The following TM7SF3 variants were observed in gnomAD, a reference collection of about 807,000 sequenced individuals.
The protein encoded by TM7SF3 is seven span transmembrane protein.
TM7SF3 carries 60 observed loss-of-function variants against 65.5 expected under a neutral mutation model. That is an observed-to-expected ratio of 0.92 (90% confidence interval 0.74 to 1.14). The LOEUF (loss-of-function observed/expected upper bound fraction) is 1.14. Among genes scored for constraint, TM7SF3 ranks in the 50% most tolerant of loss-of-function variants. The pLI, the probability that TM7SF3 is intolerant of heterozygous loss-of-function variation, is 0.00. For synonymous variants in TM7SF3, 264 were observed against 259.6 expected (o/e 1.02, Z -0.16); for missense variants, 623 against 684.8 (o/e 0.91, Z 1.01).
intron 6 of TM7SF3, among the ~76,000 whole-genome samples, chr12:26,988,748 G>A (rs184499796): frequency 1.3e-5 from 2 of 150,904 alleles, no homozygotes; most frequent in East Asian, 2.0e-4. Flanking sequence ...TGAACAACAC[G>A]GGTTTGAACT....
intron 1 of TM7SF3, among the ~76,000 whole-genome samples, chr12:27,010,765 T>C (rs1398028534): frequency 6.6e-6 from 1 of 152,244 alleles, no homozygotes; most frequent in Non-Finnish European, 1.5e-5. Context: ...TTTTGCCATC[T>C]GACCTATAGT....
intron 1 of TM7SF3, among the ~76,000 whole-genome samples, chr12:27,012,137 T>C (rs1941266659): frequency 6.6e-6 from 1 of 152,212 alleles, no homozygotes; most frequent in Non-Finnish European, 1.5e-5. Context: ...AAGATATTCT[T>C]ATTGGAAGAC....
chr12:27,007,513 T>C (rs921720126), intron 1 of TM7SF3, among the ~76,000 whole-genome samples: 7 of 151,998 alleles, frequency 4.6e-5, no homozygotes, highest in Non-Finnish European at 1.0e-4. Context: ...TGGCTATCCA[T>C]TACAATCATC....
At chr12:27,012,934 G>A (rs1941302056) in intron 1 of TM7SF3, 1 of 336,404 alleles carries the variant, frequency 3.0e-6, no homozygotes, top group African/African-American at 2.2e-5. Context: ...GGTGTCGGAG[G>A]TTGCAGTCAG....
At chr12:26,991,298 G>A (rs370184482) in intron 5 of TM7SF3, among the ~76,000 whole-genome samples, 4 of 151,280 alleles carry the variant, frequency 2.6e-5, no homozygotes, top group East Asian at 1.9e-4. Flanking sequence ...GACTACAGGC[G>A]CCCGCCACCG....
In TM7SF3 at chr12:26,972,333, T is replaced by G. The variant is rs1332142214; in HGVS notation, c.*1632A>C. The G allele has an allele frequency of 6.6e-6, 1 of 152,174 alleles. No individual in the cohort carries two copies. Among genetic ancestry groups the G allele is most frequent in the Non-Finnish European group, 1.5e-5 (1 of 68,040 alleles). 9.4% of individuals were successfully genotyped at this position (152,174 alleles called of 1,614,324 possible). A position where few individuals can be genotyped will look rare whatever the true frequency, so the allele number is the denominator to read the frequency against. ...TGTACAGAAATTATTAAAAACTATA[T>G]TTTACACTAATGCTAACAGCTAATT... On this transcript the variant is annotated 3_prime_UTR_variant, in exon 12 of 12. Transcript: ENST00000343028.
intron 5 of TM7SF3, among the ~76,000 whole-genome samples, chr12:26,991,630 C>A (rs1330359741): frequency 1.3e-5 from 2 of 152,186 alleles, no homozygotes; most frequent in African/African-American, 4.8e-5. Context: ...TACTGCTTAG[C>A]CTTCAATAAC....
chr12:27,012,804 C>A, intron 1 of TM7SF3: 1 of 442,750 alleles, frequency 2.3e-6, no homozygotes, highest in South Asian at 1.6e-5. Flanking sequence ...TCGAGACCAG[C>A]CTGAACAACA....
intron 1 of TM7SF3, 25 bp from the exon 2 acceptor site, chr12:27,003,415 A>G (rs1383679711): frequency 5.0e-6 from 8 of 1,594,272 alleles, no homozygotes; most frequent in Non-Finnish European, 6.8e-6. Flanking sequence ...ACTTTTCATT[A>G]CAACACTTGT....
At chr12:26,979,019 A>G (rs1939690606) in intron 9 of TM7SF3, 1 of 152,190 alleles carries the variant, frequency 6.6e-6, no homozygotes, top group Non-Finnish European at 1.5e-5. Context: ...CTTAGAAAAA[A>G]AAAGTCTTCA....
chr12:26,973,841 CCATAATATTAT>C lies in TM7SF3; in HGVS notation c.*113_*123del. The C allele has an allele frequency of 3.2e-6, 4 of 1,239,924 alleles. No individual in the cohort carries two copies. In the South Asian group the frequency reaches 5.9e-5, roughly 18 times the overall value. 76.8% of individuals were successfully genotyped at this position (1,239,924 alleles called of 1,614,324 possible). A position where few individuals can be genotyped will look rare whatever the true frequency, so the allele number is the denominator to read the frequency against. ...CCCTTACCATATATCAATAAGGGCACCATAATATTATGCAAAGAACAGATATATATGCCTGA... is the reference window on the plus strand; with the variant it reads ...CCCTTACCATATATCAATAAGGGCACGCAAAGAACAGATATATATGCCTGA... On this transcript the variant is annotated 3_prime_UTR_variant, in exon 12 of 12. Coordinates refer to ENST00000343028, the MANE Select transcript of TM7SF3 (RefSeq NM_016551.3).
rs1939765450 is a variant in TM7SF3 at position 26,980,407 on chromosome 12, G to A, written c.1036+159C>T. 1.3e-5 allele frequency: 8 copies of A among 613,310 alleles called. No homozygotes were observed. In the East Asian group the frequency reaches 2.4e-4, roughly 18 times the overall value. 38.0% of individuals were successfully genotyped at this position (613,310 alleles called of 1,614,324 possible). Reference sequence around the variant, plus strand: ...TTAAAAACCCAGAAGGTCTGAATGAGTAGTTCAGAAAAGGTGTTCAGAGAC... The same window carrying A: ...TTAAAAACCCAGAAGGTCTGAATGAATAGTTCAGAAAAGGTGTTCAGAGAC... On this transcript the variant is annotated intron_variant, in intron 8 of 11. Coordinates refer to ENST00000343028, the MANE Select transcript of TM7SF3 (RefSeq NM_016551.3).
chr12:26,993,894 C>A (rs893856417), intron 5 of TM7SF3, among the ~76,000 whole-genome samples: 2 of 152,136 alleles, frequency 1.3e-5, no homozygotes, highest in African/African-American at 2.4e-5. Context: ...CCAGTGGTGG[C>A]AACTGAGGAA....
At chr12:26,987,047 C>T (rs1200488641) in intron 6 of TM7SF3, among the ~76,000 whole-genome samples, 1 of 152,034 alleles carries the variant, frequency 6.6e-6, no homozygotes, top group Non-Finnish European at 1.5e-5. Flanking sequence ...GTCCTCAGAC[C>T]CCTCCCTTTT....
At chr12:27,001,115 A>T (rs1193285184) in intron 2 of TM7SF3, among the ~76,000 whole-genome samples, 1 of 152,128 alleles carries the variant, frequency 6.6e-6, no homozygotes, top group Non-Finnish European at 1.5e-5. Context: ...CTCAAAAAAA[A>T]CAAAAGTGCC....
At chr12:26,990,334 G>C in intron 6 of TM7SF3, 116 bp downstream of exon 6, 1 of 713,066 alleles carries the variant, frequency 1.4e-6, no homozygotes, top group Non-Finnish European at 2.4e-6. Flanking sequence ...GCCTAGAACA[G>C]AGAGTGGAAT....
intron 9 of TM7SF3, chr12:26,979,476 GC>G (rs757489032): frequency 5.3e-5 from 15 of 280,400 alleles, no homozygotes; most frequent in Non-Finnish European, 9.6e-5. Context: ...CGACTCAGCT[GC>G]CATCAGAGCC....
chr12:26,993,053 G>A (rs999583614), intron 5 of TM7SF3, among the ~76,000 whole-genome samples: 3 of 151,616 alleles, frequency 2.0e-5, no homozygotes, highest in Admixed American at 6.6e-5. Flanking sequence ...CTACAGGCAC[G>A]CACCACCACG....
chr12:26,976,695 T>G (rs1404009741), intron 9 of TM7SF3, among the ~76,000 whole-genome samples: 1 of 152,194 alleles, frequency 6.6e-6, no homozygotes, highest in East Asian at 1.9e-4. Flanking sequence ...TGACATTGAA[T>G]TATATCTCCA....
Sources: gnomAD v4.1 joint callset for allele counts (sites outside exome capture counted in the v4.1 genomes callset) on GRCh38, gnomAD v4.1.1 for gene constraint, MANE v1.5 for transcripts, NCBI Gene and HGNC (gene_info 2026-07-23, HGNC 2026-07-21) for gene names.